CIMAP2: variants seen among roughly 807,000 people sequenced by gnomAD.
The protein encoded by CIMAP2 is ciliary microtubule-associated protein 2.
the CIMAP2 span, chr1:54,811,773 G>GGGGGGGGGGGGCCCCCCCCCCCCC: frequency 7.5e-7 from 1 of 1,325,052 alleles, no homozygotes; most frequent in Non-Finnish European, 1.0e-6. Flanking sequence ...CAGCCTCCAT[G>GGGGGGGGGGGGCCCCCCCCCCCCC]CCCCCACCCC....
the CIMAP2 span, chr1:54,812,246 C>T: frequency 1.4e-5 from 22 of 1,602,038 alleles, no homozygotes; most frequent in Non-Finnish European, 1.9e-5. Flanking sequence ...TGACAGGCCT[C>T]ACTAGTCAGC....
the CIMAP2 span, chr1:54,814,068 A>G: frequency 7.1e-7 from 1 of 1,410,458 alleles, no homozygotes; most frequent in Non-Finnish European, 9.5e-7. Context: ...TTCATAGGGA[A>G]TAGCTCAGTC....
At chr1:54,827,441 TCTC>T in the CIMAP2 span, among the ~76,000 whole-genome samples, 1 of 152,166 alleles carries the variant, frequency 6.6e-6, no homozygotes, top group East Asian at 1.9e-4. Flanking sequence ...ACACCTGTGT[TCTC>T]CTCCTGGACA....
At chr1:54,807,163 C>A in the CIMAP2 span, 1 of 1,424,714 alleles carries the variant, frequency 7.0e-7, no homozygotes, top group Non-Finnish European at 9.9e-7. Flanking sequence ...GGTGGATGAG[C>A]TGAGCTGTAG....
the CIMAP2 span, among the ~76,000 whole-genome samples, chr1:54,825,892 C>T: frequency 6.6e-6 from 1 of 152,050 alleles, no homozygotes. Context: ...TGAGTGGGTG[C>T]CAGCAGTGGT....
At chr1:54,811,765 G>GCCGGGGGGGCCCCCCCCCCCCCCCCCC in the CIMAP2 span, 1 of 1,301,332 alleles carries the variant, frequency 7.7e-7, no homozygotes, top group Non-Finnish European at 1.1e-6. Flanking sequence ...GGTTCTGACA[G>GCCGGGGGGGCCCCCCCCCCCCCCCCCC]CCTCCATGCC....
chr1:54,808,313 G>A, the CIMAP2 span, among the ~76,000 whole-genome samples: 8 of 152,200 alleles, frequency 5.3e-5, no homozygotes, highest in Non-Finnish European at 1.2e-4. Flanking sequence ...TGATGGTGGT[G>A]CAATTGATAG....
chr1:54,811,765 G>GCGGGGGGGGGGGGGGGGGGGGCGCCCCC, the CIMAP2 span: 1 of 1,301,332 alleles, frequency 7.7e-7, no homozygotes. Context: ...GGTTCTGACA[G>GCGGGGGGGGGGGGGGGGGGGGCGCCCCC]CCTCCATGCC....
chr1:54,835,593 G>A, the CIMAP2 span, among the ~76,000 whole-genome samples: 3 of 152,260 alleles, frequency 2.0e-5, no homozygotes, highest in East Asian at 5.8e-4. Flanking sequence ...AAGAGAAAAA[G>A]TGATTTTCCA....
chr1:54,834,319 CA>C, the CIMAP2 span, among the ~76,000 whole-genome samples: 2 of 152,104 alleles, frequency 1.3e-5, no homozygotes, highest in Admixed American at 1.3e-4. Context: ...AGAAGGAACT[CA>C]GTGAATATTT....
the CIMAP2 span, among the ~76,000 whole-genome samples, chr1:54,838,691 T>C: frequency 1.3e-5 from 2 of 152,076 alleles, no homozygotes; most frequent in Non-Finnish European, 2.9e-5. Context: ...CATGAGTCTA[T>C]GGGTTGGCTG....
chr1:54,819,763 ACCCT>A, the CIMAP2 span, among the ~76,000 whole-genome samples: 8 of 122,184 alleles, frequency 6.5e-5, no homozygotes, highest in East Asian at 2.9e-4. Flanking sequence ...AGCTTTCCCT[ACCCT>A]CCCTCCCTCC....
At chr1:54,809,230 T>G in the CIMAP2 span, among the ~76,000 whole-genome samples, 1 of 152,098 alleles carries the variant, frequency 6.6e-6, no homozygotes, top group Non-Finnish European at 1.5e-5. Flanking sequence ...AGCTGCTAAG[T>G]GGGCAAGCTG....
At chr1:54,834,025 A>G in the CIMAP2 span, among the ~76,000 whole-genome samples, 2 of 152,052 alleles carry the variant, frequency 1.3e-5, no homozygotes, top group Non-Finnish European at 2.9e-5. Context: ...TTTGGTAAAG[A>G]TGGGGTTTCA....
the CIMAP2 span, among the ~76,000 whole-genome samples, chr1:54,841,337 G>A: frequency 1.2e-4 from 19 of 152,308 alleles, no homozygotes; most frequent in South Asian, 3.9e-3. Context: ...AAGGGCTCAC[G>A]GGATGGGAGG....
chr1:54,838,049 C>T, the CIMAP2 span, among the ~76,000 whole-genome samples: 1 of 151,858 alleles, frequency 6.6e-6, no homozygotes, highest in Non-Finnish European at 1.5e-5. Context: ...GAATTTGGAG[C>T]CTTCCAAGCA....
At chr1:54,807,128 A>C in the CIMAP2 span, 1 of 1,557,656 alleles carries the variant, frequency 6.4e-7, no homozygotes, top group Non-Finnish European at 8.9e-7. Context: ...GGGTCTGGCC[A>C]CTGCCCCTTC....
the CIMAP2 span, among the ~76,000 whole-genome samples, chr1:54,829,764 C>T: frequency 6.6e-6 from 1 of 152,162 alleles, no homozygotes; most frequent in Non-Finnish European, 1.5e-5. Context: ...TTCATGAAGG[C>T]AGTGCTTTCT....
chr1:54,822,537 G>A, the CIMAP2 span, among the ~76,000 whole-genome samples: 8 of 151,964 alleles, frequency 5.3e-5, no homozygotes, highest in Admixed American at 1.3e-4. Flanking sequence ...TTTTGATGTA[G>A]GCATTTATTG....
Sources: allele counts gnomAD v4.1 joint callset (sites outside exome capture counted in the v4.1 genomes callset), GRCh38; gene constraint gnomAD v4.1.1; transcripts MANE v1.5; gene names NCBI Gene and HGNC (gene_info 2026-07-23, HGNC 2026-07-21).